Variants in GNL2 observed in about 807,000 individuals in gnomAD.
The protein encoded by GNL2 is nucleolar GTP-binding protein 2.
GNL2 carries 51 observed loss-of-function variants against 92.3 expected under a neutral mutation model. The ratio of observed to expected loss-of-function variants is 0.55; its 90% confidence interval spans 0.44 to 0.70. The LOEUF is 0.70. Among genes scored for constraint, GNL2 ranks in the 30% least tolerant of loss-of-function variants. The probability of loss-of-function intolerance (pLI) is 0.00; values close to 1 mark genes in which losing one functional copy is unlikely to be tolerated. For synonymous variants in GNL2, 283 were observed against 300.6 expected, an observed-to-expected ratio of 0.94 and a Z score of 0.61; for missense variants, 844 against 895.6, an observed-to-expected ratio of 0.94 and a Z score of 0.74.
Position 37,592,786 on chromosome 1 carries a change from A to C in GNL2, c.170T>G (p.Ile57Ser), listed in dbSNP as rs1249497262. The C allele has an allele frequency of 1.2e-6, 2 of 1,603,072 alleles. No individual in the cohort carries two copies. Among genetic ancestry groups the C allele is most frequent in the Non-Finnish European group, 1.7e-6 (2 of 1,169,874 alleles). Residue 57 changes from isoleucine (I) to serine (S), a missense_variant, in exon 3 of 16, where the codon ATT (isoleucine) becomes AGT (serine). Transcript: ENST00000373062. ...CGTTGATTGATATTGCAGGGGTTTA[A>C]TTATTTTACCACGACTGTTCCTAAA... ...KERRNSRGKI[I>S]KPLQYQSTVA...
chr1:37,592,668 C>G (rs903832164), intron 3 of GNL2, 44 bp downstream of exon 3: 1 of 1,073,522 alleles, frequency 9.3e-7, no homozygotes, highest in Middle Eastern at 2.0e-4. Context: ...CGTTTCCACT[C>G]AGCATATATT....
rs1199500939 is a variant in GNL2 at position 37,582,220 on chromosome 1, T to C, written c.909+3A>G. ...CCAGGAGAAACAGATCAGGGCTCAA[T>C]ACCTTTCCAAACTGCCGCAGAAGCT... On this transcript the variant is annotated splice_donor_region_variant and intron_variant, in intron 8 of 15. Coordinates refer to ENST00000373062, the MANE Select transcript of GNL2 (RefSeq NM_013285.3). 1 of 1,592,292 alleles carries C rather than the reference T, an allele frequency of 6.3e-7. No homozygotes were observed. Among genetic ancestry groups the C allele is most frequent in the Non-Finnish European group, 8.6e-7 (1 of 1,162,004 alleles).
chr1:37,582,395 G>A, intron 7 of GNL2, 59 bp from the exon 8 acceptor site: 1 of 969,990 alleles, frequency 1.0e-6, no homozygotes, highest in South Asian at 1.5e-5. Context: ...ACATTATGTG[G>A]AAGAATCAGA....
In GNL2 at chr1:37,575,633, A is replaced by G; in HGVS notation, c.1105T>C (p.Ser369Pro). 6.2e-7 allele frequency: 1 copy of G among 1,600,744 alleles called. No homozygotes were observed. The highest frequency in any genetic ancestry group is 8.5e-7 in the Non-Finnish European group (1 of 1,175,572). Residue 369 changes from serine (S) to proline (P), a missense_variant, in exon 10 of 16, where the codon TCT (serine) becomes CCT (proline). By Grantham distance (74) the Ser-to-Pro change is moderately conservative (BLOSUM62 -1). Transcript: ENST00000373062. The surrounding 1 kb of genome is among the most constrained non-coding windows in gnomAD (Gnocchi z 4.1). ...ACAATGTCTGTCTCGGAGTCCTCAGAGGGGTAAACCACACCTGGACAGTCA... is the reference window on the plus strand; with the variant it reads ...ACAATGTCTGTCTCGGAGTCCTCAGGGGGGTAAACCACACCTGGACAGTCA... The part of the protein sequence containing the change: ...LIDCPGVVYP[S>P]EDSETDIVLK...
intron 8 of GNL2, chr1:37,581,531 C>T (rs543017411): frequency 1.3e-5 from 6 of 456,052 alleles, no homozygotes; most frequent in Admixed American, 1.2e-4. Flanking sequence ...GAGCGTGGAA[C>T]GTCAGGTGCC....
intron 12 of GNL2, 104 bp downstream of exon 12, chr1:37,574,239 C>G: frequency 3.5e-6 from 2 of 563,744 alleles, no homozygotes; most frequent in East Asian, 6.0e-5. Context: ...TGAGAGACAC[C>G]GCAGCTGAAT....
chr1:37,583,186 T>C, intron 6 of GNL2: 1 of 301,256 alleles, frequency 3.3e-6, no homozygotes, highest in South Asian at 9.5e-5. Flanking sequence ...ACTTATTTCC[T>C]AACTACTATG....
intron 4 of GNL2, 46 bp from the exon 5 acceptor site, chr1:37,587,541 G>A (rs1643864690): frequency 1.4e-5 from 19 of 1,389,472 alleles, no homozygotes; most frequent in Non-Finnish European, 1.7e-5. Context: ...AAAGCACTGA[G>A]AAAAAGCAAA....
chr1:37,579,314 GA>G (rs1557640578), intron 8 of GNL2, among the ~76,000 whole-genome samples: 1 of 152,078 alleles, frequency 6.6e-6, no homozygotes, highest in Non-Finnish European at 1.5e-5. Flanking sequence ...CTGGGAGGCC[GA>G]GGGGGGCGGA....
At chr1:37,578,546 G>A (rs1643714031) in intron 8 of GNL2, among the ~76,000 whole-genome samples, 1 of 151,478 alleles carries the variant, frequency 6.6e-6, no homozygotes. Flanking sequence ...GAACCTATCA[G>A]CTTTTTAATG....
At chr1:37,569,323 G>A (rs769433988) in intron 12 of GNL2, 21 bp from the exon 13 acceptor site, 3 of 1,477,666 alleles carry the variant, frequency 2.0e-6, no homozygotes, top group South Asian at 2.3e-5. Flanking sequence ...GTGGAAATGG[G>A]GGAAATAAAT....
chr1:37,578,813 T>A (rs1048452503), intron 8 of GNL2, among the ~76,000 whole-genome samples: 4 of 152,082 alleles, frequency 2.6e-5, no homozygotes, highest in African/African-American at 9.7e-5. Flanking sequence ...GCCTGCCTCA[T>A]CCTCCCAAAG....
intron 13 of GNL2, 86 bp from the exon 14 acceptor site, chr1:37,568,443 T>G: frequency 1.2e-6 from 1 of 818,632 alleles, no homozygotes; most frequent in Non-Finnish European, 2.1e-6. Flanking sequence ...ACTCACAGAC[T>G]AAAGAAACCC....
intron 13 of GNL2, 63 bp downstream of exon 13, chr1:37,568,788 C>G: frequency 1.6e-6 from 2 of 1,235,006 alleles, no homozygotes; most frequent in Non-Finnish European, 2.3e-6. Context: ...GGCTCTGGTA[C>G]TCATGGCAAA....
At chr1:37,589,005 G>A (rs976586974) in intron 4 of GNL2, among the ~76,000 whole-genome samples, 5 of 152,294 alleles carry the variant, frequency 3.3e-5, no homozygotes, top group Admixed American at 1.3e-4. Context: ...AACAAGTACA[G>A]GCAACGAAGC....
chr1:37,571,246 T>C (rs780316740), intron 12 of GNL2, among the ~76,000 whole-genome samples: 2 of 152,214 alleles, frequency 1.3e-5, no homozygotes, highest in Non-Finnish European at 2.9e-5. Context: ...CTTTGGCCCA[T>C]ATCCTTGTTG....
intron 4 of GNL2, among the ~76,000 whole-genome samples, chr1:37,589,906 C>T (rs1643878189): frequency 6.6e-6 from 1 of 152,172 alleles, no homozygotes; most frequent in Non-Finnish European, 1.5e-5. Flanking sequence ...CAAAGTTCTA[C>T]CAACTCAATC....
intron 12 of GNL2, chr1:37,570,917 TATC>T (rs1643584655): frequency 6.6e-6 from 1 of 152,204 alleles, no homozygotes; most frequent in African/African-American, 2.4e-5. Flanking sequence ...ACATGTATAA[TATC>T]ATTTTATCCT....
At chr1:37,590,593 G>T in intron 4 of GNL2, 113 bp downstream of exon 4, 1 of 833,962 alleles carries the variant, frequency 1.2e-6, no homozygotes, top group Non-Finnish European at 2.0e-6. Context: ...GTTCATCATT[G>T]CTACATTAAA....
Sources: allele counts gnomAD v4.1 joint callset (sites outside exome capture counted in the v4.1 genomes callset), GRCh38; gene constraint gnomAD v4.1.1; non-coding constraint Gnocchi (gnomAD v3.1); transcripts MANE v1.5; gene names NCBI Gene and HGNC (gene_info 2026-07-23, HGNC 2026-07-21).